The following PHLDB2 variants were observed in gnomAD, a reference collection of about 807,000 sequenced individuals.
PHLDB2 encodes pleckstrin homology like domain family B member 2, also known as pleckstrin homology-like domain family B member 2.
A neutral mutation model predicts 123.6 loss-of-function variants in PHLDB2; 71 were observed. That is an observed-to-expected ratio of 0.57 (90% CI 0.47 to 0.70). The LOEUF (loss-of-function observed/expected upper bound fraction) is 0.70. Among genes scored for constraint, PHLDB2 ranks in the 30% least tolerant of loss-of-function variants. The pLI, the probability that PHLDB2 is intolerant of heterozygous loss-of-function variation, is 0.00. For missense variants in PHLDB2, 1,446 were observed against 1,519.5 expected, an observed-to-expected ratio of 0.95 and a Z score of 0.80; for synonymous variants, 547 against 541.6, an observed-to-expected ratio of 1.01 and a Z score of -0.14.
intron 8 of PHLDB2, among the ~76,000 whole-genome samples, chr3:111,943,100 A>T (rs1451014413): frequency 6.6e-5 from 10 of 152,130 alleles, no homozygotes; most frequent in Non-Finnish European, 1.5e-5. Flanking sequence ...AACAACTTTG[A>T]ACGAGAACAA....
intron 13 of PHLDB2, among the ~76,000 whole-genome samples, chr3:111,964,621 C>A (rs1009805672): frequency 6.6e-6 from 1 of 151,894 alleles, no homozygotes; most frequent in South Asian, 2.1e-4. Context: ...GGATTACAGG[C>A]GTGAGCCACG....
chr3:111,889,444 G>A (rs2066352733), intron 2 of PHLDB2, among the ~76,000 whole-genome samples: 1 of 151,414 alleles, frequency 6.6e-6, no homozygotes, highest in South Asian at 2.1e-4. Context: ...GCTTACACTT[G>A]TAATCCCAGC....
chr3:111,795,414 G>A (rs1052840456), intron 1 of PHLDB2, among the ~76,000 whole-genome samples: 1 of 152,116 alleles, frequency 6.6e-6, no homozygotes, highest in African/African-American at 2.4e-5. Flanking sequence ...TTCTCTCTGT[G>A]GTAAGCCTGA....
chr3:111,953,860 G>A, intron 11 of PHLDB2, 70 bp from the exon 12 acceptor site: 2 of 1,180,190 alleles, frequency 1.7e-6, no homozygotes, highest in Non-Finnish European at 2.5e-6. Context: ...TGGAAACAGG[G>A]ATGTGGCCAT....
chr3:111,836,024 G>A (rs1228963224), intron 1 of PHLDB2, among the ~76,000 whole-genome samples: 1 of 152,236 alleles, frequency 6.6e-6, no homozygotes, highest in Admixed American at 6.5e-5. Context: ...GCATGAGCAT[G>A]TAAGCCAGTG....
intron 1 of PHLDB2, among the ~76,000 whole-genome samples, chr3:111,738,604 T>C (rs1305674900): frequency 6.6e-6 from 1 of 151,944 alleles, no homozygotes; most frequent in Non-Finnish European, 1.5e-5. Context: ...TTCTTTAGAG[T>C]CCTCTATATT....
intron 5 of PHLDB2, among the ~76,000 whole-genome samples, chr3:111,924,578 C>T (rs778926834): frequency 2.0e-5 from 3 of 152,006 alleles, no homozygotes; most frequent in Non-Finnish European, 2.9e-5. Flanking sequence ...CATGCCAAAG[C>T]GTAAGACAGA....
intron 16 of PHLDB2, among the ~76,000 whole-genome samples, chr3:111,972,200 AT>A (rs1438943923): frequency 6.6e-6 from 1 of 152,188 alleles, no homozygotes. Context: ...CTGCAATATC[AT>A]TTCCAGCAAA....
chr3:111,823,230 C>T (rs563014618), intron 1 of PHLDB2, among the ~76,000 whole-genome samples: 1 of 152,306 alleles, frequency 6.6e-6, no homozygotes, highest in East Asian at 1.9e-4. Flanking sequence ...GCTGCAATTT[C>T]AACAGTTCCC....
intron 10 of PHLDB2, among the ~76,000 whole-genome samples, chr3:111,950,830 G>A (rs972193120): frequency 2.6e-5 from 4 of 152,178 alleles, no homozygotes; most frequent in Non-Finnish European, 5.9e-5. Context: ...GATATGAAAG[G>A]ATATTGGTGA....
chr3:111,772,065 C>CA (rs35909709), intron 1 of PHLDB2, among the ~76,000 whole-genome samples: 130,925 of 151,516 alleles, frequency 0.86, 57,438 homozygotes, highest in East Asian at 1. Flanking sequence ...TTCTGCTCCT[C>CA]AAAAAAAAGA....
rs2069046935 is a variant in PHLDB2 at position 111,930,102 on chromosome 3, C to T, written c.2002-2167C>T. On this transcript the variant is annotated intron_variant, in intron 5 of 17. Coordinates refer to ENST00000431670, the MANE Select transcript of PHLDB2 (RefSeq NM_001134438.2). The stretch of plus-strand genomic sequence containing the variant: ...AATTTTTTTTTTTTTTTAGTAGAGA[C>T]GGGGTTTCACCGTGTTAGCCAGGAT... 4.0e-5 allele frequency among the ~76,000 whole-genome samples: 6 copies of T among 150,614 alleles called. 1 individual carries two copies. Among genetic ancestry groups the T allele is most frequent in the Admixed American group, 2.0e-4 (3 of 15,116 alleles).
chr3:111,966,780 C>A, intron 14 of PHLDB2, 77 bp downstream of exon 14: 1 of 1,077,110 alleles, frequency 9.3e-7, no homozygotes. Context: ...AGACAATACT[C>A]CTCCTTAAGG....
In PHLDB2 at chr3:111,835,988, T is replaced by C. The variant is rs13080762; in HGVS notation, c.-48-9833T>C. Among the ~76,000 whole-genome samples the C allele has an allele frequency of 3.4e-3, 523 of 152,244 alleles. 2 individuals carry two copies. The highest frequency in any genetic ancestry group is 6.0e-3 in the Non-Finnish European group (408 of 67,998). On this transcript the variant is annotated intron_variant, in intron 1 of 17. Transcript: ENST00000393923. ...GAGAAATGTAGACCCCACCTCATGA[T>C]GGAGGGCTGCCAATGTCACATGGTG...
intron 12 of PHLDB2, among the ~76,000 whole-genome samples, chr3:111,958,993 A>T (rs1217824292): frequency 6.6e-6 from 1 of 152,274 alleles, no homozygotes; most frequent in Non-Finnish European, 1.5e-5. Context: ...TGCACAGGAC[A>T]TCTGCATCCC....
At chr3:111,814,590 A>C (rs9865074) in intron 1 of PHLDB2, among the ~76,000 whole-genome samples, 23,239 of 151,400 alleles carry the variant, frequency 0.15, 2,113 homozygotes, top group Non-Finnish European at 0.19. Flanking sequence ...TGGTTCATGT[A>C]GTGTTATTAA....
intron 1 of PHLDB2, among the ~76,000 whole-genome samples, chr3:111,794,960 G>C (rs1336146979): frequency 6.6e-6 from 1 of 152,148 alleles, no homozygotes; most frequent in Non-Finnish European, 1.5e-5. Context: ...ATGCTCTCCA[G>C]CTGTTTTTAT....
At chr3:111,732,760 A>G in intron 1 of PHLDB2, 1 of 1,393,034 alleles carries the variant, frequency 7.2e-7, no homozygotes, top group Non-Finnish European at 9.8e-7. Flanking sequence ...TGAGCAGCAT[A>G]TACAGCCTCG....
In PHLDB2 at chr3:111,780,399, A is replaced by AGGAG. The variant is rs72585120; in HGVS notation, c.-49+47697_-49+47698insGAGG. On this transcript the variant is annotated intron_variant, in intron 1 of 17. Transcript: ENST00000393923. ...AAGAAGAAGAAGAAGAAGAAGAAGA[A>AGGAG]GAAGAAGAAGAAAAAGATTAGTTCG... 4.5e-3 allele frequency among the ~76,000 whole-genome samples: 338 copies of AGGAG among 74,442 alleles called. 82 individuals are homozygous for AGGAG. The highest frequency in any genetic ancestry group is 6.1e-3 in the Non-Finnish European group (210 of 34,316). 48.8% of individuals were successfully genotyped at this position (74,442 alleles called of 152,430 possible).
Sources: allele counts gnomAD v4.1 joint callset (sites outside exome capture counted in the v4.1 genomes callset), GRCh38; gene constraint gnomAD v4.1.1; transcripts MANE v1.5; gene names NCBI Gene and HGNC (gene_info 2026-07-23, HGNC 2026-07-21).